TENM3: variants seen among roughly 807,000 people sequenced by gnomAD.
TENM3 encodes teneurin transmembrane protein 3.
Under a neutral mutation model 255.1 loss-of-function variants are expected in TENM3, and 63 were observed. That is an observed-to-expected ratio of 0.25 (90% CI 0.20 to 0.30). TENM3 has a LOEUF of 0.30. TENM3 is among the 10% of genes least tolerant of loss of function. TENM3 has a pLI of 1.00. For synonymous variants in TENM3, 1,306 were observed against 1,322.3 expected, an observed-to-expected ratio of 0.99 and a Z score of 0.27; for missense variants, 2,929 against 3,461.1, an observed-to-expected ratio of 0.85 and a Z score of 3.86.
rs192108577 is a variant in TENM3, at chr4:182,446,865, T to G, written c.511+99936T>G. On this transcript the variant is annotated intron_variant, in intron 3 of 27. Coordinates refer to ENST00000511685, the MANE Select transcript of TENM3 (RefSeq NM_001080477.4). ...CTGCCCTAGTTATATGGTGTTTATT[T>G]GCAGTTACTTCAGGTGACCCCCCAC... Among the ~76,000 whole-genome samples, 192 of 152,298 alleles carry G rather than the reference T, an allele frequency of 1.3e-3. 5 individuals are homozygous for G. In the East Asian group the frequency reaches 0.034, roughly 27 times the overall value.
intron 12 of TENM3, among the ~76,000 whole-genome samples, chr4:182,706,800 A>G (rs1377093672): frequency 6.6e-6 from 1 of 152,016 alleles, no homozygotes; most frequent in Non-Finnish European, 1.5e-5. Flanking sequence ...CGTCTCTACA[A>G]AAATTAGCCA....
intron 5 of TENM3, among the ~76,000 whole-genome samples, chr4:182,647,105 G>A (rs1752820970): frequency 6.6e-6 from 1 of 152,186 alleles, no homozygotes; most frequent in African/African-American, 2.4e-5. Flanking sequence ...GATACAGTAA[G>A]ATGCTGGTCA....
intron 1 of TENM3, among the ~76,000 whole-genome samples, chr4:182,159,285 C>CTGAAGT (rs1750926993): frequency 6.6e-6 from 1 of 152,170 alleles, no homozygotes; most frequent in African/African-American, 2.4e-5. Context: ...AATTTGGAGA[C>CTGAAGT]TGAAGTTGAA....
intron 1 of TENM3, among the ~76,000 whole-genome samples, chr4:182,288,927 T>C (rs1253380209): frequency 6.6e-6 from 1 of 152,152 alleles, no homozygotes; most frequent in East Asian, 1.9e-4. Context: ...CCACCGATTT[T>C]AAAGATTCAT....
At chr4:181,597,818 A>C in the TENM3 span, among the ~76,000 whole-genome samples, 3 of 152,188 alleles carry the variant, frequency 2.0e-5, no homozygotes, top group Admixed American at 2.0e-4. Context: ...TTGCCATAGA[A>C]GGTTATGGGA....
At chr4:181,929,158 G>A in the TENM3 span, among the ~76,000 whole-genome samples, 1 of 152,112 alleles carries the variant, frequency 6.6e-6, no homozygotes, top group South Asian at 2.1e-4. Flanking sequence ...ACAATGACAG[G>A]ATCAAATTCA....
chr4:181,572,926 ACT>A, the TENM3 span, among the ~76,000 whole-genome samples: 2 of 151,628 alleles, frequency 1.3e-5, no homozygotes, highest in South Asian at 4.2e-4. Context: ...CCATCCTTCT[ACT>A]CTCTATCCCC....
At chr4:182,747,335 G>A (rs2152742355) in intron 19 of TENM3, among the ~76,000 whole-genome samples, 1 of 152,198 alleles carries the variant, frequency 6.6e-6, no homozygotes. Context: ...AATTCAGAGA[G>A]TGTTCTGTTA....
At chr4:181,982,393 CGG>C in the TENM3 span, among the ~76,000 whole-genome samples, 2 of 152,004 alleles carry the variant, frequency 1.3e-5, no homozygotes, top group Non-Finnish European at 2.9e-5. Flanking sequence ...CTTTGGGAGG[CGG>C]ATGTACAGTA....
At chr4:182,588,838 A>C (rs1006153223) in intron 3 of TENM3, among the ~76,000 whole-genome samples, 18 of 152,242 alleles carry the variant, frequency 1.2e-4, no homozygotes, top group Admixed American at 1.1e-3. Flanking sequence ...ATCAAAAGAT[A>C]GCCATGTACA....
chr4:182,100,638 CATATATAT>C, the TENM3 span, among the ~76,000 whole-genome samples: 59 of 26,150 alleles, frequency 2.3e-3, 4 homozygotes, highest in Middle Eastern at 0.019. Flanking sequence ...CATATATACA[CATATATAT>C]ACACATATAT....
the TENM3 span, among the ~76,000 whole-genome samples, chr4:181,606,398 G>A: frequency 6.6e-6 from 1 of 152,078 alleles, no homozygotes; most frequent in Non-Finnish European, 1.5e-5. Flanking sequence ...CCAGCCCCAG[G>A]ACCTCTGCAG....
chr4:182,675,021 C>G (rs1046888539), intron 7 of TENM3, among the ~76,000 whole-genome samples: 1 of 151,940 alleles, frequency 6.6e-6, no homozygotes, highest in East Asian at 2.0e-4. Context: ...GGATTACAGG[C>G]GTGCACCACT....
chr4:181,711,102 G>A, the TENM3 span, among the ~76,000 whole-genome samples: 16 of 151,974 alleles, frequency 1.1e-4, no homozygotes, highest in African/African-American at 3.6e-4. Flanking sequence ...AATTACCTAG[G>A]GCTAAAATAG....
chr4:181,512,002 A>G, the TENM3 span, among the ~76,000 whole-genome samples: 1 of 152,200 alleles, frequency 6.6e-6, no homozygotes, highest in East Asian at 1.9e-4. Flanking sequence ...ACTCTCCATC[A>G]GCCTCAGGAT....
chr4:182,633,999 AT>A (rs1751629882), intron 5 of TENM3, among the ~76,000 whole-genome samples: 1 of 152,106 alleles, frequency 6.6e-6, no homozygotes, highest in African/African-American at 2.4e-5. Flanking sequence ...GCACGTCCTG[AT>A]TTAGCAGATC....
At chr4:181,779,260 GTTATTTAT>G in the TENM3 span, among the ~76,000 whole-genome samples, 1,520 of 141,252 alleles carry the variant, frequency 0.011, 23 homozygotes, top group African/African-American at 0.039. Flanking sequence ...TTTACTTTAA[GTTATTTAT>G]TTATTTATTT....
chr4:181,821,980 TG>T, the TENM3 span, among the ~76,000 whole-genome samples: 1 of 152,244 alleles, frequency 6.6e-6, no homozygotes, highest in Admixed American at 6.5e-5. Flanking sequence ...AAAATTATTT[TG>T]TTCACAATTA....
chr4:181,700,417 T>G, the TENM3 span, among the ~76,000 whole-genome samples: 1 of 152,194 alleles, frequency 6.6e-6, no homozygotes, highest in Non-Finnish European at 1.5e-5. Flanking sequence ...CTAAAATTTG[T>G]AGAATATAAG....
Sources: gnomAD v4.1 joint callset for allele counts (sites outside exome capture counted in the v4.1 genomes callset) on GRCh38, gnomAD v4.1.1 for gene constraint, MANE v1.5 for transcripts, NCBI Gene and HGNC (gene_info 2026-07-23, HGNC 2026-07-21) for gene names.